The following PTPRB variants were observed in gnomAD, a reference collection of about 807,000 sequenced individuals.
PTPRB encodes protein tyrosine phosphatase receptor type B.
A neutral mutation model predicts 238.1 loss-of-function variants in PTPRB; 97 were observed. The observed-to-expected ratio is 0.41, with a 90% CI of 0.35 to 0.48. The LOEUF (loss-of-function observed/expected upper bound fraction) is 0.48, where lower values mean the gene tolerates loss of function less well. PTPRB is among the 20% of genes least tolerant of loss of function. The probability of loss-of-function intolerance (pLI) is 0.30; values close to 1 mark genes in which losing one functional copy is unlikely to be tolerated. For missense variants in PTPRB, 2,292 were observed against 2,681.9 expected (o/e 0.85, Z 3.21); for synonymous variants, 970 against 995.4 (o/e 0.97, Z 0.48).
intron 19 of PTPRB, 34 bp from the exon 20 acceptor site, chr12:70,555,343 G>A (rs201095254): frequency 2.0e-5 from 32 of 1,584,560 alleles, no homozygotes; most frequent in Non-Finnish European, 2.8e-5. Flanking sequence ...ACCAAGAGGG[G>A]TCACAACTCT....
At chr12:70,580,965 T>C (rs536185312) in intron 10 of PTPRB, 71 bp downstream of exon 10, 1 of 1,484,652 alleles carries the variant, frequency 6.7e-7, no homozygotes, top group East Asian at 2.3e-5. Flanking sequence ...GATATTTCTA[T>C]AATATTCTGA....
chr12:70,573,064 T>C (rs1302927933), intron 11 of PTPRB, among the ~76,000 whole-genome samples: 1 of 152,120 alleles, frequency 6.6e-6, no homozygotes, highest in Non-Finnish European at 1.5e-5. Flanking sequence ...AATTAATTCC[T>C]TAACTCAAAA....
chr12:70,550,927 G>A (rs1253420531), intron 21 of PTPRB, among the ~76,000 whole-genome samples: 1 of 150,974 alleles, frequency 6.6e-6, no homozygotes, highest in African/African-American at 2.4e-5. Context: ...ATGGAGTCTT[G>A]CTCTGTCGCC....
At chr12:70,574,223 A>G (rs1880439940) in intron 11 of PTPRB, among the ~76,000 whole-genome samples, 1 of 152,224 alleles carries the variant, frequency 6.6e-6, no homozygotes, top group Non-Finnish European at 1.5e-5. Flanking sequence ...AAATCATGAA[A>G]TGATCCAGAA....
chr12:70,620,966 A>G (rs1213231454), intron 3 of PTPRB, among the ~76,000 whole-genome samples: 2 of 152,220 alleles, frequency 1.3e-5, no homozygotes, highest in Non-Finnish European at 2.9e-5. Context: ...TATGCATGTA[A>G]GAAGATTACT....
chr12:70,545,359 T>C (rs962732613), intron 21 of PTPRB, among the ~76,000 whole-genome samples: 6 of 152,236 alleles, frequency 3.9e-5, no homozygotes, highest in African/African-American at 1.4e-4. Context: ...AACTTACATA[T>C]CTTTTGGCAC....
chr12:70,602,215 A>T (rs1883571184), intron 4 of PTPRB, among the ~76,000 whole-genome samples: 1 of 152,190 alleles, frequency 6.6e-6, no homozygotes, highest in South Asian at 2.1e-4. Flanking sequence ...ATTTAATGTA[A>T]CATCTGTATA....
At chr12:70,543,362 A>C (rs530008012) in intron 22 of PTPRB, among the ~76,000 whole-genome samples, 16 of 152,338 alleles carry the variant, frequency 1.1e-4, no homozygotes, top group African/African-American at 3.8e-4. Flanking sequence ...AATGTAGTTA[A>C]TATCCTTTTT....
chr12:70,620,048 C>A (rs1884858415), intron 3 of PTPRB, among the ~76,000 whole-genome samples: 1 of 152,182 alleles, frequency 6.6e-6, no homozygotes, highest in Non-Finnish European at 1.5e-5. Flanking sequence ...ATTGTAGAAA[C>A]TGTCTTTTGA....
At chr12:70,601,239 A>G (rs868512673) in intron 4 of PTPRB, among the ~76,000 whole-genome samples, 2 of 151,650 alleles carry the variant, frequency 1.3e-5, no homozygotes, top group African/African-American at 4.8e-5. Flanking sequence ...CTGAGCTCAC[A>G]TGATCCTCCC....
At chr12:70,555,775 C>G in intron 19 of PTPRB, 95 bp downstream of exon 19, 1 of 1,438,446 alleles carries the variant, frequency 7.0e-7, no homozygotes, top group South Asian at 1.4e-5. Flanking sequence ...GAAGTGTATG[C>G]AAGTGAATAG....
intron 29 of PTPRB, 30 bp downstream of exon 29, chr12:70,535,995 G>A (rs1874068971): frequency 1.2e-6 from 2 of 1,609,004 alleles, no homozygotes; most frequent in South Asian, 2.2e-5. Context: ...AGAAAGCAAA[G>A]CTTTGATGCC....
chr12:70,613,361 C>T (rs1884545043), intron 3 of PTPRB, among the ~76,000 whole-genome samples: 1 of 152,084 alleles, frequency 6.6e-6, no homozygotes, highest in African/African-American at 2.4e-5. Flanking sequence ...CACTGACTAG[C>T]CACCTATTGT....
At chr12:70,629,800 A>G (rs1356074670) in intron 2 of PTPRB, among the ~76,000 whole-genome samples, 3 of 152,242 alleles carry the variant, frequency 2.0e-5, no homozygotes, top group Admixed American at 1.3e-4. Flanking sequence ...AACTACCATC[A>G]GAGAATATTA....
chr12:70,580,437 C>T (rs1373676524), intron 10 of PTPRB, among the ~76,000 whole-genome samples: 1 of 152,134 alleles, frequency 6.6e-6, no homozygotes, highest in Non-Finnish European at 1.5e-5. Context: ...TTTACCTTAA[C>T]TGGAACATAA....
At chr12:70,631,978 T>A (rs1049621760) in intron 2 of PTPRB, among the ~76,000 whole-genome samples, 1 of 152,158 alleles carries the variant, frequency 6.6e-6, no homozygotes, top group Non-Finnish European at 1.5e-5. Context: ...ACACTGTTGG[T>A]AGGAGTGTAA....
In PTPRB at chr12:70,587,004, T is replaced by C. The variant is rs767543432; in HGVS notation, c.2311+3A>G. The C allele has an allele frequency of 6.2e-7, 1 of 1,611,148 alleles. No homozygotes were observed. The highest frequency in any genetic ancestry group is 2.2e-5 in the East Asian group (1 of 44,880). On this transcript the variant is annotated splice_donor_region_variant and intron_variant, in intron 9 of 33. Coordinates refer to ENST00000334414, the MANE Select transcript of PTPRB (RefSeq NM_001109754.4). ...AAAATGTAAAATTTATAAAGGTTAC[T>C]ACCTGTTCTTCCTTTTACTGAAGAG... is the stretch of plus-strand genomic sequence containing the variant.
chr12:70,612,339 C>T (rs908421829), intron 3 of PTPRB, among the ~76,000 whole-genome samples: 80 of 152,246 alleles, frequency 5.3e-4, no homozygotes, highest in Middle Eastern at 3.4e-3. Context: ...GTAATATATT[C>T]AAGGAAGTAT....
chr12:70,620,030 G>C (rs1238159700), intron 3 of PTPRB, among the ~76,000 whole-genome samples: 1 of 152,160 alleles, frequency 6.6e-6, no homozygotes, highest in Non-Finnish European at 1.5e-5. Context: ...AGAGTCATGA[G>C]AGCTGCAATT....
Sources: allele counts gnomAD v4.1 joint callset (sites outside exome capture counted in the v4.1 genomes callset), GRCh38; gene constraint gnomAD v4.1.1; transcripts MANE v1.5; gene names NCBI Gene and HGNC (gene_info 2026-07-23, HGNC 2026-07-21).